Variants in ACACA observed in about 807,000 individuals in gnomAD.
The protein encoded by ACACA is acetyl-CoA carboxylase alpha, also known as acetyl-CoA carboxylase 1.
Under a neutral mutation model 296.1 loss-of-function variants are expected in ACACA, and 103 were observed. The observed-to-expected ratio is 0.35, with a 90% CI of 0.30 to 0.41. ACACA has a LOEUF of 0.41. Ranked by LOEUF, ACACA falls within the 10% of genes least tolerant of loss-of-function variation. The pLI is 1.00. For synonymous variants in ACACA, 953 were observed against 1,038.6 expected (o/e 0.92, Z 1.58); for missense variants, 1,554 against 2,989.7 (o/e 0.52, Z 11.20).
chr17:37,248,328 A>G lies in ACACA; in HGVS notation c.2164-172T>C, dbSNP rs558635346. Among the ~76,000 whole-genome samples, 517 of 152,330 alleles carry G rather than the reference A, an allele frequency of 3.4e-3. 3 individuals are homozygous for G. The highest frequency in any genetic ancestry group is 0.014 in the South Asian group (69 of 4,830). ...ACATGGCTCAGTCCTGCTGTAAGCAAAGAGGGCAACCTTAGTTGATTTTCC... is the reference window on the plus strand; with the variant it reads ...ACATGGCTCAGTCCTGCTGTAAGCAGAGAGGGCAACCTTAGTTGATTTTCC... On this transcript the variant is annotated intron_variant, in intron 17 of 55. Coordinates refer to ENST00000616317, the MANE Select transcript of ACACA (RefSeq NM_198834.3).
At chr17:37,348,704 G>T (rs1163288145) in intron 1 of ACACA, among the ~76,000 whole-genome samples, 1 of 152,026 alleles carries the variant, frequency 6.6e-6, no homozygotes, top group Non-Finnish European at 1.5e-5. Context: ...TACGGGCGCG[G>T]TAATTCCAGC....
At chr17:37,391,934 C>T in intron 1 of ACACA, 3 of 577,070 alleles carry the variant, frequency 5.2e-6, no homozygotes, top group Admixed American at 3.0e-5. Flanking sequence ...TCACTTCATA[C>T]ATCCATCTAA....
chr17:37,112,102 C>T (rs1351462691), intron 51 of ACACA, among the ~76,000 whole-genome samples: 1 of 152,028 alleles, frequency 6.6e-6, no homozygotes, highest in Non-Finnish European at 1.5e-5. Flanking sequence ...TATACCACAG[C>T]TGTCAGTCTG....
intron 8 of ACACA, among the ~76,000 whole-genome samples, chr17:37,274,898 A>C (rs538082260): frequency 6.6e-6 from 1 of 152,326 alleles, no homozygotes; most frequent in South Asian, 2.1e-4. Context: ...ACAAGGGTTC[A>C]AATCTGTTCA....
At chr17:37,107,575 C>T (rs1266080631) in intron 52 of ACACA, among the ~76,000 whole-genome samples, 1 of 152,224 alleles carries the variant, frequency 6.6e-6, no homozygotes, top group Non-Finnish European at 1.5e-5. Context: ...GGGCCAGCAG[C>T]AGTGCTCACT....
intron 1 of ACACA, among the ~76,000 whole-genome samples, chr17:37,351,449 G>T (rs981339282): frequency 2.6e-5 from 4 of 152,196 alleles, no homozygotes; most frequent in Non-Finnish European, 4.4e-5. Flanking sequence ...GGGTGACAAA[G>T]AGTGAGACTC....
chr17:37,134,262 C>T (rs558520677), intron 45 of ACACA, among the ~76,000 whole-genome samples: 4 of 152,274 alleles, frequency 2.6e-5, no homozygotes, highest in Admixed American at 6.5e-5. Flanking sequence ...CCTAATATAC[C>T]GCCTGCTCTC....
chr17:37,190,246 T>C (rs1366738608), intron 38 of ACACA, among the ~76,000 whole-genome samples: 1 of 152,026 alleles, frequency 6.6e-6, no homozygotes, highest in Non-Finnish European at 1.5e-5. Context: ...CTGACTAACA[T>C]GGTGAAACCC....
intron 1 of ACACA, among the ~76,000 whole-genome samples, chr17:37,355,311 A>C (rs546263583): frequency 1.0e-3 from 159 of 152,208 alleles, no homozygotes; most frequent in Admixed American, 3.9e-3. Flanking sequence ...TAATCCCAGC[A>C]CTTTGGGAGG....
intron 1 of ACACA, among the ~76,000 whole-genome samples, chr17:37,346,701 CAAAAAAAA>C (rs1233696565): frequency 2.7e-5 from 1 of 36,706 alleles, no homozygotes; most frequent in Non-Finnish European, 7.0e-5. Flanking sequence ...GACTCCATCT[CAAAAAAAA>C]AAAAAAAAAA....
chr17:37,354,891 C>T (rs2049062963), intron 1 of ACACA, among the ~76,000 whole-genome samples: 1 of 152,176 alleles, frequency 6.6e-6, no homozygotes, highest in Non-Finnish European at 1.5e-5. Context: ...CACGTCACTG[C>T]ACTCCATCCG....
At chr17:37,208,640 C>A (rs1002826549) in intron 30 of ACACA, among the ~76,000 whole-genome samples, 1 of 152,154 alleles carries the variant, frequency 6.6e-6, no homozygotes, top group South Asian at 2.1e-4. Context: ...AACGGAGATG[C>A]CTGAAGAGAA....
chr17:37,378,354 G>A (rs1028249980), intron 1 of ACACA, among the ~76,000 whole-genome samples: 10 of 152,356 alleles, frequency 6.6e-5, no homozygotes, highest in African/African-American at 2.4e-4. Context: ...AGGAGAGAAA[G>A]TACAGCAGTG....
At chr17:37,236,670 CAA>C (rs931571158) in intron 24 of ACACA, among the ~76,000 whole-genome samples, 14 of 151,970 alleles carry the variant, frequency 9.2e-5, no homozygotes, top group Non-Finnish European at 1.6e-4. Context: ...ACTAAAAATA[CAA>C]AAATTAGCCA....
intron 51 of ACACA, among the ~76,000 whole-genome samples, chr17:37,112,690 G>A (rs1046035551): frequency 6.6e-6 from 1 of 152,184 alleles, no homozygotes; most frequent in African/African-American, 2.4e-5. Flanking sequence ...AATCTGGGGG[G>A]ACAAGAGAGA....
intron 54 of ACACA, among the ~76,000 whole-genome samples, chr17:37,094,572 A>ACCCCCCC (rs67691656): frequency 8.7e-6 from 1 of 114,484 alleles, no homozygotes; most frequent in Non-Finnish European, 1.9e-5. Context: ...TTGAAGAACC[A>ACCCCCCC]CCCCCCCCCC....
chr17:37,104,797 G>T (rs993399632), intron 52 of ACACA, among the ~76,000 whole-genome samples: 1 of 152,030 alleles, frequency 6.6e-6, no homozygotes, highest in Non-Finnish European at 1.5e-5. Context: ...TAAAATTAGC[G>T]GAATGTGGTG....
At chr17:37,114,793 T>C (rs556994398) in intron 50 of ACACA, among the ~76,000 whole-genome samples, 1 of 152,340 alleles carries the variant, frequency 6.6e-6, no homozygotes, top group East Asian at 1.9e-4. Context: ...AATAACAGGT[T>C]CAACTGAGAT....
At chr17:37,333,639 G>A (rs955589450) in intron 2 of ACACA, among the ~76,000 whole-genome samples, 2 of 151,648 alleles carry the variant, frequency 1.3e-5, no homozygotes, top group Non-Finnish European at 2.9e-5. Flanking sequence ...CTTCACTTAG[G>A]TATTGATAGC....
Sources: gnomAD v4.1 joint callset for allele counts (sites outside exome capture counted in the v4.1 genomes callset) on GRCh38, gnomAD v4.1.1 for gene constraint, MANE v1.5 for transcripts, NCBI Gene and HGNC (gene_info 2026-07-23, HGNC 2026-07-21) for gene names.